Variants in C18orf32 observed in about 807,000 individuals in gnomAD.
C18orf32 encodes the protein chromosome 18 open reading frame 32.
Under a neutral mutation model 7.4 loss-of-function variants are expected in C18orf32, and 5 were observed. The observed-to-expected ratio is 0.68, with a 90% confidence interval of 0.35 to 1.42. The LOEUF is 1.42. Among genes scored for constraint, C18orf32 ranks in the 40% most tolerant of loss-of-function variants. The probability of loss-of-function intolerance (pLI) is 0.04; values close to 1 mark genes in which losing one functional copy is unlikely to be tolerated. For synonymous variants in C18orf32, 30 were observed against 29.3 expected (o/e 1.02, Z -0.08); for missense variants, 88 against 92.4 (o/e 0.95, Z 0.19).
chr18:49,483,670 G>A lies in C18orf32; in HGVS notation c.79C>T (p.Leu27=). The change falls in exon 2 of 3, where the codon CTG becomes TTG. Residue 27 remains leucine, a synonymous_variant. Transcript: ENST00000318240. The part of the protein sequence containing the change: ...KKFLEPYIYP[L]VSPFVSRIWP... ...ATACGACTAACGAAGGGGGAAACCA[G>A]AGGGTATATATATGGCTCCAGGAAT... is the stretch of plus-strand genomic sequence containing the variant. The A allele has an allele frequency of 1.2e-6, 2 of 1,613,962 alleles. No homozygotes were observed. Among genetic ancestry groups the A allele is most frequent in the South Asian group, 1.1e-5 (1 of 91,002 alleles).
chr18:49,486,360 T>C lies in C18orf32; in HGVS notation c.-24+683A>G, dbSNP rs1418968272. On this transcript the variant is annotated intron_variant, in intron 1 of 2. Coordinates refer to ENST00000318240, the MANE Select transcript of C18orf32 (RefSeq NM_001035005.4). ...TAAAGATTCATTTTTACTTCTGCAA[T>C]TGTGTTTTAAGTAAGTTCGCACACA... 3.3e-5 allele frequency: 5 copies of C among 152,216 alleles called. No individual in the cohort carries two copies. In the South Asian group the frequency reaches 1.0e-3, roughly 32 times the overall value. 9.4% of individuals were successfully genotyped at this position (152,216 alleles called of 1,614,324 possible). A position where few individuals can be genotyped will look rare whatever the true frequency, so the allele number is the denominator to read the frequency against.
Position 49,482,270 on chromosome 18 carries a change from G to C in C18orf32, c.*75C>G. 2 of 1,051,662 alleles carry C rather than the reference G, an allele frequency of 1.9e-6. No individual in the cohort carries two copies. Among genetic ancestry groups the C allele is most frequent in the Non-Finnish European group, 3.0e-6 (2 of 673,580 alleles). The allele number at this position is 1,051,662 out of a possible 1,614,324, so 65.1% of individuals were successfully genotyped here. A position where few individuals can be genotyped will look rare whatever the true frequency, so the allele number is the denominator to read the frequency against. On this transcript the variant is annotated 3_prime_UTR_variant, in exon 3 of 3. Coordinates refer to ENST00000318240, the MANE Select transcript of C18orf32 (RefSeq NM_001035005.4). ...ATTCCGGTCTCAGATAAAAAGGTCA[G>C]AGACAATTACAAGGAAGATGCTTCA...
chr18:49,483,479 C>A lies in C18orf32; in HGVS notation c.165+105G>T. ...TAATTTAAGCCAAATGTTACACAAA[C>A]TATTGAAGCTTCTGGTTCTAAAACT... On this transcript the variant is annotated intron_variant, in intron 2 of 2. Transcript: ENST00000318240. 2.2e-6 allele frequency: 3 copies of A among 1,361,450 alleles called. No homozygotes were observed. The Admixed American group carries it at 7.7e-5, about 35-fold the overall frequency. The allele number at this position is 1,361,450 out of a possible 1,614,324, so 84.3% of individuals were successfully genotyped here. A position where few individuals can be genotyped will look rare whatever the true frequency, so the allele number is the denominator to read the frequency against.
chr18:49,477,899 ATATG>A lies in C18orf32; in HGVS notation c.*4442_*4445del, dbSNP rs1274630955. The A allele has an allele frequency of 1.2e-4, 17 of 144,570 alleles. No individual in the cohort carries two copies. The highest frequency in any genetic ancestry group is 4.3e-4 in the African/African-American group (16 of 37,192). The allele number at this position is 144,570 out of a possible 1,614,324, so 9.0% of individuals were successfully genotyped here. A position where few individuals can be genotyped will look rare whatever the true frequency, so the allele number is the denominator to read the frequency against. ...TATATACACTATATATATATACACT[ATATG>A]TATATACACTATATATATATACACA... On this transcript the variant is annotated 3_prime_UTR_variant, in exon 3 of 3. Coordinates refer to ENST00000318240, the MANE Select transcript of C18orf32 (RefSeq NM_001035005.4).
At chr18:49,486,958 C>T (rs759034019) in intron 1 of C18orf32, 85 bp downstream of exon 1, 13 of 138,606 alleles carry the variant, frequency 9.4e-5, no homozygotes, top group Non-Finnish European at 1.4e-4. Context: ...GCTCCGAGGG[C>T]GCCGGTGGTG....
chr18:49,482,775 A>G (rs2083678678), intron 2 of C18orf32, among the ~76,000 whole-genome samples: 1 of 149,588 alleles, frequency 6.7e-6, no homozygotes, highest in Non-Finnish European at 1.5e-5. Context: ...CAACAAAAAG[A>G]TATTAAGAGA....
At chr18:49,482,800 CT>C (rs11454920) in intron 2 of C18orf32, among the ~76,000 whole-genome samples, 74 of 130,162 alleles carry the variant, frequency 5.7e-4, no homozygotes, top group Middle Eastern at 4.1e-3. Context: ...CTGTCTCTCT[CT>C]TTTTTTTTTT....
chr18:49,478,675 C>T lies in C18orf32; in HGVS notation c.*3670G>A, dbSNP rs1241718634. ...TGTGTTTAACAAAGGGTAGCTCTTA[C>T]TAAAAAGGCAGCCCTGACCTTTACA... On this transcript the variant is annotated 3_prime_UTR_variant, in exon 3 of 3. Coordinates refer to ENST00000318240, the MANE Select transcript of C18orf32 (RefSeq NM_001035005.4). The T allele has an allele frequency of 6.7e-6, 1 of 150,278 alleles. No individual in the cohort carries two copies. The highest frequency in any genetic ancestry group is 2.5e-5 in the African/African-American group (1 of 39,596). 9.3% of individuals were successfully genotyped at this position (150,278 alleles called of 1,614,324 possible).
chr18:49,482,638 A>T (rs1342715419), intron 2 of C18orf32, among the ~76,000 whole-genome samples: 2 of 151,824 alleles, frequency 1.3e-5, no homozygotes, highest in Non-Finnish European at 2.9e-5. Flanking sequence ...GAGGCAGGAG[A>T]ATCGTTTGAA....
intron 1 of C18orf32, among the ~76,000 whole-genome samples, chr18:49,485,569 T>A (rs71355395): frequency 0.071 from 10,581 of 148,404 alleles, 527 homozygotes; most frequent in East Asian, 0.21. Context: ...AAAAAAAAAA[T>A]AAAAATAAAA....
chr18:49,485,762 C>T (rs1468740782), intron 1 of C18orf32, among the ~76,000 whole-genome samples: 1 of 152,028 alleles, frequency 6.6e-6, no homozygotes, highest in Non-Finnish European at 1.5e-5. Flanking sequence ...GGTAGGACCA[C>T]AGCCCTGCGC....
In C18orf32 at chr18:49,482,050, T is replaced by A; in HGVS notation, c.*295A>T. The A allele has an allele frequency of 3.4e-6, 1 of 291,914 alleles. No homozygotes were observed. The allele number at this position is 291,914 out of a possible 1,614,324, so 18.1% of individuals were successfully genotyped here. A position where few individuals can be genotyped will look rare whatever the true frequency, so the allele number is the denominator to read the frequency against. ...GAACCAAAGATTTTAAAGTGCTGAT[T>A]TAGTAACATAATGTCTACTGGCACA... On this transcript the variant is annotated 3_prime_UTR_variant, in exon 3 of 3. Transcript: ENST00000318240.
intron 2 of C18orf32, among the ~76,000 whole-genome samples, chr18:49,482,800 C>CTTT (rs11454920): frequency 1.7e-4 from 22 of 130,182 alleles, no homozygotes; most frequent in East Asian, 6.5e-4. Context: ...CTGTCTCTCT[C>CTTT]TTTTTTTTTT....
Position 49,482,298 on chromosome 18 carries a change from T to G in C18orf32, c.*47A>C. Reference sequence around the variant, plus strand: ...ACAATTACAAGGAAGATGCTTCATATTATCAGGTCCATTTTTTAAATGATG... The same window carrying G: ...ACAATTACAAGGAAGATGCTTCATAGTATCAGGTCCATTTTTTAAATGATG... On this transcript the variant is annotated 3_prime_UTR_variant, in exon 3 of 3. Transcript: ENST00000318240. 1 of 1,307,036 alleles carries G rather than the reference T, an allele frequency of 7.7e-7. No individual in the cohort carries two copies. Among genetic ancestry groups the G allele is most frequent in the Non-Finnish European group, 1.1e-6 (1 of 901,902 alleles). 81.0% of individuals were successfully genotyped at this position (1,307,036 alleles called of 1,614,324 possible). A position where few individuals can be genotyped will look rare whatever the true frequency, so the allele number is the denominator to read the frequency against.
intron 2 of C18orf32, 77 bp from the exon 3 acceptor site, chr18:49,482,487 G>A: frequency 1.0e-6 from 1 of 969,910 alleles, no homozygotes; most frequent in Non-Finnish European, 1.6e-6. Context: ...CCAGCACTTT[G>A]GGAGGCTGAG....
chr18:49,484,153 T>C (rs998450761), intron 1 of C18orf32, among the ~76,000 whole-genome samples: 1 of 50,990 alleles, frequency 2.0e-5, no homozygotes, highest in Admixed American at 2.8e-4. Flanking sequence ...AAAAAATATA[T>C]ATATATATAT....
Position 49,479,591 on chromosome 18 carries a change from G to A in C18orf32, c.*2754C>T, listed in dbSNP as rs1465354689. On this transcript the variant is annotated 3_prime_UTR_variant, in exon 3 of 3. Transcript: ENST00000318240. Reference sequence around the variant, plus strand: ...CTGGGCCCAAAAGGGCAGGGTGAAGGACAGGTTAGGAAAAATAAAAGAAGT... The same window carrying A: ...CTGGGCCCAAAAGGGCAGGGTGAAGAACAGGTTAGGAAAAATAAAAGAAGT... The A allele has an allele frequency of 1.3e-5, 2 of 152,414 alleles. No individual in the cohort carries two copies. The highest frequency in any genetic ancestry group is 2.9e-5 in the Non-Finnish European group (2 of 68,198). The allele number at this position is 152,414 out of a possible 1,614,324, so 9.4% of individuals were successfully genotyped here. A position where few individuals can be genotyped will look rare whatever the true frequency, so the allele number is the denominator to read the frequency against.
chr18:49,483,895 G>T, intron 1 of C18orf32, 124 bp from the exon 2 acceptor site: 2 of 1,150,070 alleles, frequency 1.7e-6, no homozygotes, highest in East Asian at 2.7e-5. Flanking sequence ...CCAGCACTTT[G>T]GGAGGCAAGA....
At chr18:49,485,521 TC>T (rs1362167018) in intron 1 of C18orf32, among the ~76,000 whole-genome samples, 1 of 149,428 alleles carries the variant, frequency 6.7e-6, no homozygotes, top group Non-Finnish European at 1.5e-5. Flanking sequence ...GCCATTGCAC[TC>T]CAGCCTGCGT....
Sources: allele counts gnomAD v4.1 joint callset (sites outside exome capture counted in the v4.1 genomes callset), GRCh38; gene constraint gnomAD v4.1.1; transcripts MANE v1.5; gene names NCBI Gene and HGNC (gene_info 2026-07-23, HGNC 2026-07-21).